The following ROBO1 variants were observed in gnomAD, a reference collection of about 807,000 sequenced individuals.
The protein encoded by ROBO1 is roundabout guidance receptor 1, also known as roundabout homolog 1.
ROBO1 carries 149 observed loss-of-function variants against 195.9 expected under a neutral mutation model. That is an observed-to-expected ratio of 0.76 (90% CI 0.67 to 0.87). The LOEUF (loss-of-function observed/expected upper bound fraction) is 0.87, where lower values mean the gene tolerates loss of function less well. ROBO1 is among the 40% of genes least tolerant of loss of function. ROBO1 has a pLI of 0.00. For missense variants in ROBO1, 1,933 were observed against 2,068.3 expected (o/e 0.93, Z 1.27); for synonymous variants, 816 against 733.2 (o/e 1.11, Z -1.82).
chr3:79,010,899 G>A (rs2077760432), intron 3 of ROBO1, among the ~76,000 whole-genome samples: 1 of 152,104 alleles, frequency 6.6e-6, no homozygotes, highest in Admixed American at 6.5e-5. Flanking sequence ...TACAGATTTA[G>A]ATTTTGGAAA....
intron 1 of ROBO1, among the ~76,000 whole-genome samples, chr3:79,753,139 G>A (rs935879515): frequency 2.6e-5 from 4 of 152,088 alleles, no homozygotes; most frequent in Non-Finnish European, 5.9e-5. Context: ...ATACACTTGA[G>A]TACCATCAAA....
chr3:79,701,316 T>C (rs1327656066), intron 1 of ROBO1, among the ~76,000 whole-genome samples: 1 of 151,780 alleles, frequency 6.6e-6, no homozygotes, highest in Non-Finnish European at 1.5e-5. Flanking sequence ...GAGCTCTGTT[T>C]TGGTTCCTTA....
chr3:78,619,803 A>G (rs1704341397), intron 26 of ROBO1, among the ~76,000 whole-genome samples: 1 of 151,922 alleles, frequency 6.6e-6, no homozygotes, highest in Admixed American at 6.6e-5. Context: ...GGATCACCTG[A>G]GGTCAGGAGT....
chr3:79,164,896 C>T (rs940994913), intron 2 of ROBO1, among the ~76,000 whole-genome samples: 2 of 152,174 alleles, frequency 1.3e-5, no homozygotes, highest in Non-Finnish European at 2.9e-5. Flanking sequence ...GAATCCTCTG[C>T]ATTTTTCTCA....
chr3:79,231,199 A>G (rs755510572), intron 2 of ROBO1, among the ~76,000 whole-genome samples: 1 of 152,176 alleles, frequency 6.6e-6, no homozygotes, highest in Non-Finnish European at 1.5e-5. Flanking sequence ...CAATTGCAAT[A>G]TAAGCAAAAA....
At chr3:79,164,985 A>AT (rs1006766480) in intron 2 of ROBO1, among the ~76,000 whole-genome samples, 10 of 151,888 alleles carry the variant, frequency 6.6e-5, no homozygotes, top group East Asian at 1.9e-4. Context: ...TAACCTTATC[A>AT]TTTTTTTTCC....
chr3:79,749,657 C>T (rs897465190), intron 1 of ROBO1, among the ~76,000 whole-genome samples: 4 of 152,190 alleles, frequency 2.6e-5, no homozygotes, highest in Admixed American at 6.5e-5. Context: ...TGAAAGGGAG[C>T]TTGGCCCATG....
At chr3:79,159,346 A>C (rs2080914072) in intron 2 of ROBO1, among the ~76,000 whole-genome samples, 1 of 152,038 alleles carries the variant, frequency 6.6e-6, no homozygotes. Flanking sequence ...TACTAATTCT[A>C]AATTGTATGA....
At chr3:79,390,887 A>G (rs780806601) in intron 2 of ROBO1, among the ~76,000 whole-genome samples, 1 of 152,152 alleles carries the variant, frequency 6.6e-6, no homozygotes, top group Non-Finnish European at 1.5e-5. Context: ...GTAACTGAAC[A>G]GCTGTGTTAT....
chr3:79,278,044 A>T (rs2108992635), intron 2 of ROBO1, among the ~76,000 whole-genome samples: 1 of 152,244 alleles, frequency 6.6e-6, no homozygotes, highest in African/African-American at 2.4e-5. Flanking sequence ...AAAAGAAATC[A>T]GTAAGACAAT....
intron 2 of ROBO1, among the ~76,000 whole-genome samples, chr3:79,228,580 C>T (rs1185889726): frequency 2.0e-5 from 3 of 151,998 alleles, no homozygotes; most frequent in Non-Finnish European, 2.9e-5. Flanking sequence ...TGTATAAAGG[C>T]CACTGATTCC....
chr3:78,916,645 T>G (rs1258804962), intron 4 of ROBO1, among the ~76,000 whole-genome samples: 1 of 152,270 alleles, frequency 6.6e-6, no homozygotes, highest in East Asian at 1.9e-4. Context: ...TCTTACCTTA[T>G]ATCTAATCAA....
At chr3:79,149,567 T>G (rs915449224) in intron 2 of ROBO1, among the ~76,000 whole-genome samples, 27 of 151,708 alleles carry the variant, frequency 1.8e-4, no homozygotes, top group Non-Finnish European at 3.2e-4. Flanking sequence ...GTATGTTTTT[T>G]GTTGAAAATG....
chr3:78,814,883 T>C (rs1316854907), intron 4 of ROBO1, among the ~76,000 whole-genome samples: 2 of 152,170 alleles, frequency 1.3e-5, no homozygotes, highest in Non-Finnish European at 2.9e-5. Context: ...CCCAAGAGCA[T>C]GGCTTTACTT....
chr3:79,153,663 C>A (rs1053559388), intron 2 of ROBO1, among the ~76,000 whole-genome samples: 1 of 149,702 alleles, frequency 6.7e-6, no homozygotes, highest in Non-Finnish European at 1.5e-5. Flanking sequence ...CAAATATACT[C>A]GTCTGCTTAA....
intron 2 of ROBO1, among the ~76,000 whole-genome samples, chr3:79,183,143 TTTTTAA>T (rs2081377229): frequency 6.6e-6 from 1 of 151,778 alleles, no homozygotes; most frequent in Non-Finnish European, 1.5e-5. Context: ...TGCTTTTTGC[TTTTTAA>T]TTTTAATTCA....
At chr3:79,090,185 G>A (rs932336416) in intron 3 of ROBO1, among the ~76,000 whole-genome samples, 30 of 151,926 alleles carry the variant, frequency 2.0e-4, no homozygotes, top group Non-Finnish European at 3.8e-4. Context: ...TGATCCACCC[G>A]CCTCAGCCTC....
At position 79,483,210 on chromosome 3, in the gene ROBO1, A is replaced by T. The variant is rs150100022; in HGVS notation, c.88+106614T>A. On this transcript the variant is annotated intron_variant, in intron 2 of 30. Coordinates refer to ENST00000464233, the MANE Select transcript of ROBO1 (RefSeq NM_002941.4). ...GACAACAAAGACCCCATCCAGAGAC[A>T]TTGTGAAAAATGGCAGATGGCTGAA... Among the ~76,000 whole-genome samples the T allele has an allele frequency of 2.4e-4, 37 of 152,330 alleles. No individual in the cohort carries two copies. In the East Asian group the frequency reaches 6.2e-3, roughly 25 times the overall value.
chr3:79,523,327 G>A (rs1941288991), intron 2 of ROBO1, among the ~76,000 whole-genome samples: 2 of 151,352 alleles, frequency 1.3e-5, no homozygotes, highest in Admixed American at 6.6e-5. Context: ...CATTCCACAT[G>A]CATATATACT....
Sources: gnomAD v4.1 joint callset for allele counts (sites outside exome capture counted in the v4.1 genomes callset) on GRCh38, gnomAD v4.1.1 for gene constraint, MANE v1.5 for transcripts, NCBI Gene and HGNC (gene_info 2026-07-23, HGNC 2026-07-21) for gene names.